INO80D: variants seen among roughly 807,000 people sequenced by gnomAD.
INO80D encodes the protein INO80 complex subunit D.
INO80D carries 21 observed loss-of-function variants against 87.6 expected under a neutral mutation model. That is an observed-to-expected ratio of 0.24 (90% CI 0.17 to 0.35). The LOEUF is 0.35. Among genes scored for constraint, INO80D ranks in the 10% least tolerant of loss-of-function variants. INO80D has a pLI of 1.00. For missense variants in INO80D, 982 were observed against 1,280.7 expected (o/e 0.77, Z 3.56); for synonymous variants, 440 against 491.0 (o/e 0.90, Z 1.37).
At chr2:206,024,047 T>C (rs991522706) in intron 6 of INO80D, among the ~76,000 whole-genome samples, 3 of 152,228 alleles carry the variant, frequency 2.0e-5, no homozygotes, top group Admixed American at 6.5e-5. Context: ...CATATACATT[T>C]ACATACAAAT....
Position 206,007,098 on chromosome 2 carries a change from A to T in INO80D, c.1918+186T>A, listed in dbSNP as rs1366061218. Among the ~76,000 whole-genome samples the T allele has an allele frequency of 2.0e-5, 3 of 152,350 alleles. No individual in the cohort carries two copies. The East Asian group carries it at 5.8e-4, about 29-fold the overall frequency. Reference sequence around the variant, plus strand: ...CTAGTCAGCAAATTATGAGATGGTTAAACAAACTGCACATTCCTTATCTTC... The same window carrying T: ...CTAGTCAGCAAATTATGAGATGGTTTAACAAACTGCACATTCCTTATCTTC... On this transcript the variant is annotated intron_variant, in intron 10 of 10. Transcript: ENST00000403263.
intron 3 of INO80D, among the ~76,000 whole-genome samples, chr2:206,061,223 G>C (rs561060366): frequency 2.0e-5 from 3 of 151,340 alleles, no homozygotes; most frequent in Admixed American, 2.0e-4. Context: ...TGTTGCTCAG[G>C]CTGGTCTTGA....
chr2:206,027,280 T>A (rs1475246104), intron 6 of INO80D, among the ~76,000 whole-genome samples: 1 of 152,240 alleles, frequency 6.6e-6, no homozygotes, highest in African/African-American at 2.4e-5. Flanking sequence ...TGTGTATTTT[T>A]AAAATTTTCC....
chr2:206,053,264 G>T (rs971367497), intron 4 of INO80D, among the ~76,000 whole-genome samples: 1 of 151,938 alleles, frequency 6.6e-6, no homozygotes, highest in Middle Eastern at 3.2e-3. Flanking sequence ...ACATAAGCTG[G>T]ATACAACTTA....
chr2:206,023,064 G>C (rs1055572639), intron 6 of INO80D, among the ~76,000 whole-genome samples: 3 of 152,044 alleles, frequency 2.0e-5, no homozygotes, highest in African/African-American at 4.8e-5. Flanking sequence ...AGCCAGACGT[G>C]GTAAAGGGTG....
At chr2:206,066,966 G>C (rs1689833354) in intron 1 of INO80D, among the ~76,000 whole-genome samples, 1 of 151,870 alleles carries the variant, frequency 6.6e-6, no homozygotes, top group African/African-American at 2.4e-5. Flanking sequence ...GCTAAAAGTA[G>C]GCTGGGCGCA....
intron 5 of INO80D, among the ~76,000 whole-genome samples, chr2:206,037,901 T>C (rs1371386791): frequency 6.6e-6 from 1 of 151,988 alleles, no homozygotes; most frequent in Non-Finnish European, 1.5e-5. Context: ...TTAGCCAAAA[T>C]AAAAAAAGAA....
At position 206,007,093 on chromosome 2, in the gene INO80D, T is replaced by C. The variant is rs12466333; in HGVS notation, c.1918+191A>G. On this transcript the variant is annotated intron_variant, in intron 10 of 10. Coordinates refer to ENST00000403263, the MANE Select transcript of INO80D (RefSeq NM_017759.5). Reference sequence around the variant, plus strand: ...TAAACCTAGTCAGCAAATTATGAGATGGTTAAACAAACTGCACATTCCTTA... The same window carrying C: ...TAAACCTAGTCAGCAAATTATGAGACGGTTAAACAAACTGCACATTCCTTA... Among the ~76,000 whole-genome samples the C allele has an allele frequency of 1.3e-3, 193 of 152,284 alleles. 2 individuals carry two copies. In the East Asian group the frequency reaches 0.023, roughly 18 times the overall value.
intron 7 of INO80D, among the ~76,000 whole-genome samples, chr2:206,018,899 C>T (rs539363662): frequency 5.9e-5 from 9 of 152,108 alleles, no homozygotes; most frequent in Non-Finnish European, 8.8e-5. Context: ...TGAGATCCTG[C>T]CTCTAAACAA....
Position 206,009,650 on chromosome 2 carries a change from G to A in INO80D, c.1687C>T (p.Pro563Ser). The A allele has an allele frequency of 6.2e-7, 1 of 1,613,986 alleles. No individual in the cohort carries two copies. Among genetic ancestry groups the A allele is most frequent in the Non-Finnish European group, 8.5e-7 (1 of 1,179,884 alleles). The change falls in exon 9 of 11, where the codon CCA becomes TCA. Residue 563 changes from proline (P) to serine (S), a missense_variant. Pro to Ser is a moderately conservative substitution (Grantham distance 74). Coordinates refer to ENST00000403263, the MANE Select transcript of INO80D (RefSeq NM_017759.5). ...RGPRRPQKPI[P>S]PAVPQGNLSM... is the part of the protein sequence containing the mutation. Reference sequence around the variant, plus strand: ...AGGTTCCCTTGGGGGACTGCAGGTGGAATGGGTTTTTGGGGTCGACGAGGT... The same window carrying A: ...AGGTTCCCTTGGGGGACTGCAGGTGAAATGGGTTTTTGGGGTCGACGAGGT...
Position 205,998,338 on chromosome 2 carries a change from A to C in INO80D, c.*6030T>G, listed in dbSNP as rs574477395. 31 of 151,710 alleles carry C rather than the reference A, an allele frequency of 2.0e-4. No homozygotes were observed. Among genetic ancestry groups the C allele is most frequent in the African/African-American group, 7.5e-4 (31 of 41,384 alleles). The allele number at this position is 151,710 out of a possible 1,614,324, so 9.4% of individuals were successfully genotyped here. A position where few individuals can be genotyped will look rare whatever the true frequency, so the allele number is the denominator to read the frequency against. ...TGGTCTAAAGGTGTTCTACATTTTGAGGCCCCAGGATATCCTTTTATTTTA... is the reference window on the plus strand; with the variant it reads ...TGGTCTAAAGGTGTTCTACATTTTGCGGCCCCAGGATATCCTTTTATTTTA... On this transcript the variant is annotated 3_prime_UTR_variant, in exon 11 of 11. Coordinates refer to ENST00000403263, the MANE Select transcript of INO80D (RefSeq NM_017759.5).
At chr2:206,013,746 C>T (rs904918510) in intron 8 of INO80D, among the ~76,000 whole-genome samples, 20 of 150,442 alleles carry the variant, frequency 1.3e-4, no homozygotes, top group African/African-American at 4.9e-4. Flanking sequence ...CTACAGGGCC[C>T]ACATTACCAT....
At chr2:206,080,902 C>CAAAAAAAAAAAAAAA (rs60198558) in intron 1 of INO80D, among the ~76,000 whole-genome samples, 1 of 38,058 alleles carries the variant, frequency 2.6e-5, no homozygotes, top group African/African-American at 1.6e-4. Context: ...GACTCAGTCT[C>CAAAAAAAAAAAAAAA]AAAAAAAAAA....
intron 5 of INO80D, among the ~76,000 whole-genome samples, chr2:206,035,781 T>C (rs961443414): frequency 6.6e-6 from 1 of 151,928 alleles, no homozygotes; most frequent in Non-Finnish European, 1.5e-5. Flanking sequence ...GTCAGCAGAG[T>C]AAACAGACAA....
chr2:206,008,059 G>C, intron 9 of INO80D: 1 of 152,642 alleles, frequency 6.6e-6, no homozygotes, highest in Non-Finnish European at 1.5e-5. Context: ...TCGGCTCACT[G>C]CAACCTCCAC....
intron 6 of INO80D, among the ~76,000 whole-genome samples, chr2:206,023,564 T>A (rs1390681121): frequency 6.6e-6 from 1 of 151,374 alleles, no homozygotes; most frequent in Non-Finnish European, 1.5e-5. Flanking sequence ...ATGCCTGTAG[T>A]CCCAGCTACT....
Position 206,004,658 on chromosome 2 carries a change from G to A in INO80D, c.2794C>T (p.Pro932Ser). ...PTTSNSETTQ[P>S]AFATVTPSSS... ...CTGGGGGTCACGGTGGCGAAGGCAG[G>A]CTGTGTGGTCTCTGAGTTCGAAGTG... The change falls in exon 11 of 11, where the codon CCT becomes TCT. Residue 932 changes from proline to serine, a missense_variant. Physicochemically the swap from Pro to Ser is moderately conservative, Grantham distance 74. Transcript: ENST00000403263. This position sits in a 1 kb window ranked among gnomAD's most constrained non-coding sequence, Gnocchi z 4.9. 1 of 1,613,922 alleles carries A rather than the reference G, an allele frequency of 6.2e-7. No individual in the cohort carries two copies. Among genetic ancestry groups the A allele is most frequent in the Non-Finnish European group, 8.5e-7 (1 of 1,179,846 alleles).
chr2:206,085,145 G>C lies in INO80D; in HGVS notation c.-124+756C>G, dbSNP rs1426193825. 1.3e-5 allele frequency among the ~76,000 whole-genome samples: 2 copies of C among 152,100 alleles called. No homozygotes were observed. The highest frequency in any genetic ancestry group is 2.4e-5 in the African/African-American group (1 of 41,444). On this transcript the variant is annotated intron_variant, in intron 1 of 10. Coordinates refer to ENST00000403263, the MANE Select transcript of INO80D (RefSeq NM_017759.5). This position sits in a 1 kb window ranked among gnomAD's most constrained non-coding sequence, Gnocchi z 4.5. ...CGGGCGCTAGGACCAGGGCTCCCCG[G>C]AGAGACAGCGGCCCCCAGTTCGGGC...
At chr2:206,080,053 A>T (rs1454022695) in intron 1 of INO80D, among the ~76,000 whole-genome samples, 1 of 152,210 alleles carries the variant, frequency 6.6e-6, no homozygotes, top group Non-Finnish European at 1.5e-5. Context: ...AGGCTAAGCT[A>T]TTACTTAACA....
Sources: gnomAD v4.1 joint callset for allele counts (sites outside exome capture counted in the v4.1 genomes callset) on GRCh38, gnomAD v4.1.1 for gene constraint, Gnocchi (gnomAD v3.1) non-coding constraint, MANE v1.5 for transcripts, NCBI Gene and HGNC (gene_info 2026-07-23, HGNC 2026-07-21) for gene names.